Variants in DGKB observed in about 807,000 individuals in gnomAD.
DGKB encodes diacylglycerol kinase beta, also known as 90 kDa diacylglycerol kinase.
DGKB carries 67 observed loss-of-function variants against 114.3 expected under a neutral mutation model. That is an observed-to-expected ratio of 0.59 (90% CI 0.48 to 0.72). The LOEUF (loss-of-function observed/expected upper bound fraction) is 0.72. Among genes scored for constraint, DGKB ranks in the 30% least tolerant of loss-of-function variants. DGKB has a pLI of 0.00. For synonymous variants in DGKB, 398 were observed against 323.1 expected, an observed-to-expected ratio of 1.23 and a Z score of -2.49; for missense variants, 907 against 975.2, an observed-to-expected ratio of 0.93 and a Z score of 0.93.
chr7:14,695,576 A>T (rs928158887), intron 8 of DGKB, among the ~76,000 whole-genome samples: 3 of 130,732 alleles, frequency 2.3e-5, no homozygotes, highest in Non-Finnish European at 3.1e-5. Flanking sequence ...CTGGGCTCAT[A>T]GCAAGCTCCG....
chr7:14,461,091 A>G (rs1833006748), intron 21 of DGKB, among the ~76,000 whole-genome samples: 1 of 152,206 alleles, frequency 6.6e-6, no homozygotes, highest in African/African-American at 2.4e-5. Context: ...TCTGGGACTC[A>G]GCTAAAGCAT....
chr7:14,230,772 T>A (rs547223674), intron 23 of DGKB, among the ~76,000 whole-genome samples: 1 of 152,182 alleles, frequency 6.6e-6, no homozygotes, highest in Admixed American at 6.5e-5. Context: ...AGAACCATTC[T>A]CTATTCAGAG....
At chr7:14,220,621 A>C (rs537082707) in intron 23 of DGKB, among the ~76,000 whole-genome samples, 5 of 151,448 alleles carry the variant, frequency 3.3e-5, no homozygotes, top group Non-Finnish European at 5.9e-5. Flanking sequence ...TGCAATTCCA[A>C]ATGAATTTTA....
intron 13 of DGKB, among the ~76,000 whole-genome samples, chr7:14,670,857 G>C (rs902599390): frequency 3.9e-5 from 6 of 152,002 alleles, no homozygotes; most frequent in African/African-American, 1.2e-4. Flanking sequence ...GCAAAGATTT[G>C]TCTTTGTTTT....
intron 23 of DGKB, among the ~76,000 whole-genome samples, chr7:14,304,225 T>C (rs1804084144): frequency 6.6e-6 from 1 of 152,102 alleles, no homozygotes; most frequent in African/African-American, 2.4e-5. Flanking sequence ...ACCTTTCAGA[T>C]GGATTATCTT....
chr7:14,178,319 T>A (rs1176623563), intron 23 of DGKB, among the ~76,000 whole-genome samples, 168 bp from the exon 24 acceptor site: 1 of 152,086 alleles, frequency 6.6e-6, no homozygotes, highest in Admixed American at 6.6e-5. Context: ...AACTCTCAGT[T>A]TAACTAAACC....
intron 17 of DGKB, among the ~76,000 whole-genome samples, chr7:14,588,969 T>C (rs1801229530): frequency 6.6e-6 from 1 of 152,036 alleles, no homozygotes; most frequent in Non-Finnish European, 1.5e-5. Flanking sequence ...AAACTATATA[T>C]TAATTTTGGG....
At chr7:14,751,779 C>T (rs370774667) in intron 4 of DGKB, among the ~76,000 whole-genome samples, 1 of 152,200 alleles carries the variant, frequency 6.6e-6, no homozygotes, top group East Asian at 1.9e-4. Context: ...TATAGTTCCT[C>T]AATTTAAAAT....
intron 23 of DGKB, among the ~76,000 whole-genome samples, chr7:14,325,152 G>A (rs1008388147): frequency 1.3e-5 from 2 of 152,136 alleles, no homozygotes; most frequent in African/African-American, 4.8e-5. Context: ...CTTAGAGAGT[G>A]CTCTTATAAA....
At chr7:14,777,672 A>G (rs1288403225) in intron 2 of DGKB, among the ~76,000 whole-genome samples, 1 of 152,170 alleles carries the variant, frequency 6.6e-6, no homozygotes, top group Non-Finnish European at 1.5e-5. Context: ...TGAGTCCATT[A>G]AATCTCTTTC....
intron 20 of DGKB, among the ~76,000 whole-genome samples, chr7:14,506,168 A>C (rs2128963966): frequency 6.6e-6 from 1 of 152,302 alleles, no homozygotes; most frequent in Admixed American, 6.5e-5. Context: ...GGTAACTCAG[A>C]ATAAAGATTT....
intron 21 of DGKB, among the ~76,000 whole-genome samples, chr7:14,364,878 A>G (rs1372073030): frequency 6.6e-6 from 1 of 152,038 alleles, no homozygotes; most frequent in African/African-American, 2.4e-5. Context: ...CAGACCTCAG[A>G]AAAACAGAAT....
intron 25 of DGKB, among the ~76,000 whole-genome samples, chr7:14,155,760 T>C (rs1389124150): frequency 6.6e-6 from 1 of 152,056 alleles, no homozygotes; most frequent in Admixed American, 6.6e-5. Flanking sequence ...GTGGTCTTCG[T>C]AATGTGTGTA....
chr7:14,491,131 T>A (rs1389806912), intron 20 of DGKB, among the ~76,000 whole-genome samples: 1 of 152,096 alleles, frequency 6.6e-6, no homozygotes, highest in Non-Finnish European at 1.5e-5. Flanking sequence ...GGTTTGGCTG[T>A]GTCCCCACCC....
intron 21 of DGKB, among the ~76,000 whole-genome samples, chr7:14,420,488 A>C (rs1826483227): frequency 6.6e-6 from 1 of 152,074 alleles, no homozygotes; most frequent in South Asian, 2.1e-4. Context: ...GGTGGGGAGC[A>C]GTATCTATCC....
At chr7:14,517,081 C>T (rs1401541216) in intron 20 of DGKB, among the ~76,000 whole-genome samples, 2 of 152,094 alleles carry the variant, frequency 1.3e-5, no homozygotes, top group East Asian at 1.9e-4. Context: ...GTAACCCAAT[C>T]CGCATGGTAC....
At chr7:14,898,048 T>C (rs1337615678) in intron 1 of DGKB, among the ~76,000 whole-genome samples, 1 of 151,938 alleles carries the variant, frequency 6.6e-6, no homozygotes, top group Non-Finnish European at 1.5e-5. Context: ...GCATATTCAA[T>C]AATAAAGGCA....
intron 25 of DGKB, among the ~76,000 whole-genome samples, chr7:14,152,809 T>G (rs1312779805): frequency 1.3e-5 from 2 of 152,088 alleles, no homozygotes; most frequent in African/African-American, 4.8e-5. Flanking sequence ...GTTGTGATAG[T>G]TCCACCTCAT....
intron 20 of DGKB, among the ~76,000 whole-genome samples, chr7:14,553,497 C>T (rs577653454): frequency 6.6e-6 from 1 of 152,210 alleles, no homozygotes; most frequent in South Asian, 2.1e-4. Context: ...GAAAAAGAAT[C>T]AGTAGAACAG....
Sources: allele counts gnomAD v4.1 joint callset (sites outside exome capture counted in the v4.1 genomes callset), GRCh38; gene constraint gnomAD v4.1.1; transcripts MANE v1.5; gene names NCBI Gene and HGNC (gene_info 2026-07-23, HGNC 2026-07-21).